Variants in LOXHD1 observed in about 807,000 individuals in gnomAD.
The protein encoded by LOXHD1 is lipoxygenase homology PLAT domains 1.
A neutral mutation model predicts 248.2 loss-of-function variants in LOXHD1; 205 were observed. The observed-to-expected ratio is 0.83, with a 90% CI of 0.74 to 0.93. The LOEUF (loss-of-function observed/expected upper bound fraction) is 0.93, where lower values mean the gene tolerates loss of function less well. Ranked by LOEUF, LOXHD1 falls within the 40% of genes least tolerant of loss-of-function variation. The pLI is 0.00. For missense variants in LOXHD1, 2,930 were observed against 2,971.6 expected, an observed-to-expected ratio of 0.99 and a Z score of 0.33; for synonymous variants, 1,113 against 1,162.8, an observed-to-expected ratio of 0.96 and a Z score of 0.87.
chr18:46,545,035 A>G (rs2036737365), intron 23 of LOXHD1: 4 of 477,452 alleles, frequency 8.4e-6, no homozygotes, highest in Non-Finnish European at 1.2e-5. Flanking sequence ...TGAGAGTATC[A>G]TGGCTGAATT....
intron 4 of LOXHD1, among the ~76,000 whole-genome samples, chr18:46,623,235 A>C (rs974444423): frequency 6.6e-6 from 1 of 152,162 alleles, no homozygotes; most frequent in African/African-American, 2.4e-5. Context: ...CAAATCTACA[A>C]GCTCTCTGAT....
intron 40 of LOXHD1, among the ~76,000 whole-genome samples, chr18:46,481,982 A>T (rs1319675711): frequency 6.6e-6 from 1 of 152,184 alleles, no homozygotes; most frequent in Non-Finnish European, 1.5e-5. Flanking sequence ...ATCAGCAGAC[A>T]CAGTCCTTGT....
chr18:46,576,308 G>A (rs1181358206), intron 14 of LOXHD1, among the ~76,000 whole-genome samples: 1 of 152,106 alleles, frequency 6.6e-6, no homozygotes, highest in African/African-American at 2.4e-5. Context: ...GACTTGAAGC[G>A]AGGCTGTACT....
At chr18:46,633,158 T>C (rs1266060042) in intron 4 of LOXHD1, among the ~76,000 whole-genome samples, 1 of 152,224 alleles carries the variant, frequency 6.6e-6, no homozygotes, top group African/African-American at 2.4e-5. Flanking sequence ...CAAGGGATCC[T>C]GAATAGCCAA....
At chr18:46,625,485 G>C (rs969502061) in intron 4 of LOXHD1, among the ~76,000 whole-genome samples, 1 of 148,662 alleles carries the variant, frequency 6.7e-6, no homozygotes, top group African/African-American at 2.5e-5. Flanking sequence ...ACTAGCGATA[G>C]CTGATGAGCT....
intron 18 of LOXHD1, among the ~76,000 whole-genome samples, chr18:46,562,335 C>A (rs2037546873): frequency 6.6e-6 from 1 of 152,320 alleles, no homozygotes; most frequent in East Asian, 1.9e-4. Flanking sequence ...CACAAGGCAC[C>A]CAGCATGAAC....
chr18:46,489,438 C>G (rs373128656), intron 37 of LOXHD1, among the ~76,000 whole-genome samples: 1 of 152,182 alleles, frequency 6.6e-6, no homozygotes, highest in East Asian at 1.9e-4. Flanking sequence ...TGTAATTATA[C>G]ATGAACATTT....
At position 46,577,885 on chromosome 18, in the gene LOXHD1, C is replaced by A. The variant is rs2037890180; in HGVS notation, c.1810-18G>T. The stretch of plus-strand genomic sequence containing the variant: ...TCGTCAGCCTTGTGGGGGGAAACCA[C>A]AAGGCCAGTTAGACAGTGGCTACCC... On this transcript the variant is annotated intron_variant, in intron 13 of 40. Transcript: ENST00000642948. The A allele has an allele frequency of 6.4e-7, 1 of 1,551,418 alleles. No homozygotes were observed.
intron 2 of LOXHD1, among the ~76,000 whole-genome samples, chr18:46,644,942 T>C (rs2144389273): frequency 6.6e-6 from 1 of 152,318 alleles, no homozygotes; most frequent in Non-Finnish European, 1.5e-5. Flanking sequence ...TGCTCCACGC[T>C]GTCTCAGGAC....
chr18:46,619,174 C>T (rs1183546233), intron 4 of LOXHD1, among the ~76,000 whole-genome samples: 2 of 152,200 alleles, frequency 1.3e-5, no homozygotes, highest in African/African-American at 4.8e-5. Flanking sequence ...TCTCCCTCCC[C>T]TTTTCCCTTC....
intron 37 of LOXHD1, among the ~76,000 whole-genome samples, chr18:46,500,103 C>T (rs2034132226): frequency 6.6e-6 from 1 of 152,104 alleles, no homozygotes; most frequent in South Asian, 2.1e-4. Flanking sequence ...CTTCTTCCCC[C>T]TCCTCTTCCT....
At chr18:46,537,827 T>C (rs1051131221) in intron 26 of LOXHD1, among the ~76,000 whole-genome samples, 3 of 152,164 alleles carry the variant, frequency 2.0e-5, no homozygotes, top group African/African-American at 7.2e-5. Context: ...AACCAGCAAG[T>C]CTGGGAGCTA....
chr18:46,563,934 C>G (rs1424360734), intron 17 of LOXHD1, among the ~76,000 whole-genome samples: 1 of 151,732 alleles, frequency 6.6e-6, no homozygotes, highest in Non-Finnish European at 1.5e-5. Flanking sequence ...AGCGATCCAT[C>G]GAAAAAGGAG....
chr18:46,579,491 C>A, intron 13 of LOXHD1, 139 bp downstream of exon 13: 1 of 1,161,810 alleles, frequency 8.6e-7, no homozygotes, highest in Non-Finnish European at 1.2e-6. Context: ...TTCCCCGCCC[C>A]CTTACCCAGA....
chr18:46,560,615 CA>C (rs1568185965), intron 18 of LOXHD1, 70 bp from the exon 19 acceptor site: 1 of 1,374,898 alleles, frequency 7.3e-7, no homozygotes, highest in African/African-American at 1.4e-5. Flanking sequence ...CACCCCCGCC[CA>C]ACAAAGAGCC....
intron 7 of LOXHD1, among the ~76,000 whole-genome samples, chr18:46,601,990 G>A (rs2038347139): frequency 1.3e-5 from 2 of 152,128 alleles, no homozygotes; most frequent in Admixed American, 6.5e-5. Context: ...GATGTGGTAG[G>A]GTGAGGAGGA....
intron 38 of LOXHD1, among the ~76,000 whole-genome samples, chr18:46,487,572 G>A (rs531441872): frequency 3.3e-5 from 5 of 152,320 alleles, no homozygotes; most frequent in African/African-American, 1.2e-4. Flanking sequence ...ATGGAGCTGA[G>A]AGTCCTGGGC....
At chr18:46,513,507 G>A (rs2035084983) in intron 34 of LOXHD1, among the ~76,000 whole-genome samples, 1 of 151,888 alleles carries the variant, frequency 6.6e-6, no homozygotes, top group South Asian at 2.1e-4. Flanking sequence ...GGCAGAAAGA[G>A]AGAGATCAAC....
chr18:46,488,662 C>A (rs893519592), intron 38 of LOXHD1, among the ~76,000 whole-genome samples: 1 of 152,150 alleles, frequency 6.6e-6, no homozygotes, highest in African/African-American at 2.4e-5. Flanking sequence ...TGGATGATGT[C>A]CATGTTATAA....
Sources: allele counts gnomAD v4.1 joint callset (sites outside exome capture counted in the v4.1 genomes callset), GRCh38; gene constraint gnomAD v4.1.1; transcripts MANE v1.5; gene names NCBI Gene and HGNC (gene_info 2026-07-23, HGNC 2026-07-21).